Variants in SNED1 observed in about 807,000 individuals in gnomAD.
The protein encoded by SNED1 is sushi, nidogen and EGF like domains 1, also known as sushi, nidogen and EGF-like domain-containing protein 1.
SNED1 carries 81 observed loss-of-function variants against 166.7 expected under a neutral mutation model. The observed-to-expected ratio is 0.49, with a 90% CI of 0.41 to 0.58. SNED1 has a LOEUF of 0.58. Ranked by LOEUF, SNED1 falls within the 20% of genes least tolerant of loss-of-function variation. The pLI, the probability that SNED1 is intolerant of heterozygous loss-of-function variation, is 0.00. For synonymous variants in SNED1, 762 were observed against 822.0 expected, an observed-to-expected ratio of 0.93 and a Z score of 1.25; for missense variants, 1,604 against 2,000.2, an observed-to-expected ratio of 0.80 and a Z score of 3.78.
In SNED1 at chr2:241,036,303, C is replaced by T. The variant is rs865875434; in HGVS notation, c.806-487C>T. Among the ~76,000 whole-genome samples the T allele has an allele frequency of 2.6e-4, 40 of 152,106 alleles. No homozygotes were observed. In the Middle Eastern group the frequency reaches 0.024, roughly 91 times the overall value. ...CATCTGAGCTTAGGGAGTCCGGGCT[C>T]ACGGGGCGGGGAGCCCAGAGCGGCC... On this transcript the variant is annotated intron_variant, in intron 4 of 31. Transcript: ENST00000310397.
intron 11 of SNED1, 112 bp downstream of exon 11, chr2:241,049,247 G>A (rs2061755510): frequency 6.6e-6 from 5 of 760,216 alleles, no homozygotes; most frequent in East Asian, 5.4e-5. Context: ...TCTGACTCTC[G>A]GGAGAGCTGG....
At chr2:241,058,805 C>T (rs907560828) in intron 16 of SNED1, among the ~76,000 whole-genome samples, 6 of 152,114 alleles carry the variant, frequency 3.9e-5, no homozygotes, top group African/African-American at 1.4e-4. Flanking sequence ...AAAAAATTAG[C>T]TGGGCGAGGT....
In SNED1 at chr2:240,998,989, CG is replaced by C; in HGVS notation, c.156del (p.Leu53CysfsTer20). 2 of 1,326,422 alleles carry C rather than the reference CG, an allele frequency of 1.5e-6. No individual in the cohort carries two copies. The highest frequency in any genetic ancestry group is 9.7e-7 in the Non-Finnish European group (1 of 1,034,606). The allele number at this position is 1,326,422 out of a possible 1,614,324, so 82.2% of individuals were successfully genotyped here. ...ACCCCCAAGCAGGACGACGGCGGCT[CG>C]GGGCTGCGGCCGCTCTCGGTGCCCT... The part of the protein sequence containing the change: ...AVTPKQDDGG[S>X]GLRPLSVPFP... On this transcript the variant is annotated frameshift_variant, in exon 1 of 32. Coordinates refer to ENST00000310397, the MANE Select transcript of SNED1 (RefSeq NM_001080437.3). LOFTEE classifies it high-confidence loss of function.
rs1193027971 is a variant in SNED1, at chr2:241,012,292, A to G, written c.213+13242A>G. ...CTAACCCTTAGCTCTTTTTTCCAAA[A>G]CACATGCCAAAAAGGGTACAAAACA... On this transcript the variant is annotated intron_variant, in intron 1 of 31. Transcript: ENST00000310397. Among the ~76,000 whole-genome samples the G allele has an allele frequency of 2.0e-5, 3 of 152,142 alleles. No individual in the cohort carries two copies. The East Asian group carries it at 5.8e-4, about 29-fold the overall frequency.
intron 1 of SNED1, among the ~76,000 whole-genome samples, chr2:241,000,204 C>A (rs1167032105): frequency 6.6e-6 from 1 of 152,220 alleles, no homozygotes; most frequent in Non-Finnish European, 1.5e-5. Context: ...CCCTCCCCAC[C>A]TCCATCCACA....
In SNED1 at chr2:241,053,223, G is replaced by A. The variant is rs375999836; in HGVS notation, c.2154G>A (p.Ala718=). The A allele has an allele frequency of 6.6e-5, 107 of 1,609,208 alleles. No homozygotes were observed. The highest frequency in any genetic ancestry group is 1.1e-4 in the African/African-American group (8 of 74,920). Residue 718 remains alanine, a synonymous_variant, in exon 16 of 32, where the codon GCG becomes GCA. Transcript: ENST00000310397. ...TLRFNGTRLG[A]VALYACDRGY... is the part of the protein sequence containing the mutation. ...GCTTCAACGGCACGCGGCTGGGCGC[G>A]GTGGCCCTGTATGCATGTGACCGTG...
At position 240,999,064 on chromosome 2, in the gene SNED1, G is replaced by A. The variant is rs771643988; in HGVS notation, c.213+14G>A. On this transcript the variant is annotated intron_variant, in intron 1 of 31. Transcript: ENST00000310397. This position sits in a 1 kb window ranked among gnomAD's most constrained non-coding sequence, Gnocchi z 5.8. Reference sequence around the variant, plus strand: ...TCCGGACTCTACGTGAGTAACCCCCGGGCTCGCGGGGCGCCCGGGAGGGGA... The same window carrying A: ...TCCGGACTCTACGTGAGTAACCCCCAGGCTCGCGGGGCGCCCGGGAGGGGA... The A allele has an allele frequency of 4.7e-6, 6 of 1,268,560 alleles. No homozygotes were observed. In the South Asian group the frequency reaches 7.0e-5, roughly 15 times the overall value. The allele number at this position is 1,268,560 out of a possible 1,614,324, so 78.6% of individuals were successfully genotyped here.
At chr2:241,031,470 C>G (rs1451533145) in intron 2 of SNED1, among the ~76,000 whole-genome samples, 1 of 152,200 alleles carries the variant, frequency 6.6e-6, no homozygotes, top group East Asian at 1.9e-4. Flanking sequence ...GGCAAGTGTT[C>G]TAGGCACTGG....
At chr2:241,030,213 G>A (rs2124979418) in intron 1 of SNED1, 71 bp from the exon 2 acceptor site, 2 of 1,411,066 alleles carry the variant, frequency 1.4e-6, no homozygotes, top group South Asian at 1.4e-5. Context: ...GCAGGGGCTG[G>A]GGAGGCTGCT....
intron 4 of SNED1, among the ~76,000 whole-genome samples, chr2:241,036,047 TGGAGGTGCGTCACAGGGTGGGGGG>T (rs1559246860): frequency 0.013 from 71 of 5,586 alleles, 2 homozygotes; most frequent in South Asian, 0.016. Context: ...GGGTGGGGGG[TGGAGGTGCGTCACAGGGTGGGGGG>T]TGGGGGGTGG....
In SNED1 at chr2:241,087,418, A is replaced by C; in HGVS notation, c.4148A>C (p.Gln1383Pro). 6.2e-7 allele frequency: 1 copy of C among 1,603,984 alleles called. No individual in the cohort carries two copies. The highest frequency in any genetic ancestry group is 8.5e-7 in the Non-Finnish European group (1 of 1,175,182). ...HVYKRVYRVH[Q>P]DICFKESCES... is the part of the protein sequence containing the mutation. Reference sequence around the variant, plus strand: ...TATAAAAGAGTCTACCGAGTTCACCAAGACATCTGCTTCAAAGAGAGCTGT... The same window carrying C: ...TATAAAAGAGTCTACCGAGTTCACCCAGACATCTGCTTCAAAGAGAGCTGT... The change falls in exon 30 of 32, where the codon CAA (glutamine) becomes CCA (proline). Residue 1383 changes from glutamine (Q) to proline (P), a missense_variant. Gln to Pro is a moderately conservative substitution (Grantham distance 76). Coordinates refer to ENST00000310397, the MANE Select transcript of SNED1 (RefSeq NM_001080437.3).
chr2:241,062,907 AAG>A lies in SNED1; in HGVS notation c.2371+6_2371+7del. 1 of 1,583,198 alleles carries A rather than the reference AAG, an allele frequency of 6.3e-7. No homozygotes were observed. Among genetic ancestry groups the A allele is most frequent in the South Asian group, 1.1e-5 (1 of 87,956 alleles). ...TGAGGGCGCCCACTGTGAGCTGGGTAAGAGGGGCCCTGGCCCCGCTGGGGTGA... is the reference window on the plus strand; with the variant it reads ...TGAGGGCGCCCACTGTGAGCTGGGTAAGGGGCCCTGGCCCCGCTGGGGTGA... On this transcript the variant is annotated splice_donor_5th_base_variant and intron_variant, in intron 17 of 31. Coordinates refer to ENST00000310397, the MANE Select transcript of SNED1 (RefSeq NM_001080437.3).
intron 1 of SNED1, among the ~76,000 whole-genome samples, chr2:241,006,519 G>A (rs11892691): frequency 0.014 from 2,136 of 152,286 alleles, 42 homozygotes; most frequent in African/African-American, 0.048. Context: ...AATGGTATGC[G>A]CTTCTCTTGA....
chr2:241,082,916 G>C (rs2063398641), intron 29 of SNED1, among the ~76,000 whole-genome samples: 3 of 151,816 alleles, frequency 2.0e-5, no homozygotes, highest in African/African-American at 2.4e-5. Flanking sequence ...CCTGCTGTGT[G>C]CCGGGCACTG....
intron 16 of SNED1, 59 bp from the exon 17 acceptor site, chr2:241,062,732 C>A: frequency 1.8e-6 from 2 of 1,122,808 alleles, no homozygotes; most frequent in Non-Finnish European, 2.7e-6. Context: ...AGTTTATGTG[C>A]ATCTTAATTT....
intron 18 of SNED1, 55 bp downstream of exon 18, chr2:241,063,755 A>G: frequency 7.7e-7 from 1 of 1,294,276 alleles, no homozygotes. Flanking sequence ...CTGGAAGATC[A>G]GAGAGGAGGT....
At chr2:241,044,934 T>C (rs919199768) in intron 8 of SNED1, among the ~76,000 whole-genome samples, 2 of 152,198 alleles carry the variant, frequency 1.3e-5, no homozygotes, top group Non-Finnish European at 2.9e-5. Flanking sequence ...TGGAAAGTAC[T>C]GGGGAAACTG....
intron 16 of SNED1, among the ~76,000 whole-genome samples, chr2:241,060,087 T>G (rs2062184050): frequency 6.6e-6 from 1 of 152,188 alleles, no homozygotes; most frequent in Non-Finnish European, 1.5e-5. Flanking sequence ...CAGTGAACAC[T>G]TTGAAATGAA....
At chr2:241,020,022 A>G (rs1478446166) in intron 1 of SNED1, among the ~76,000 whole-genome samples, 1 of 152,240 alleles carries the variant, frequency 6.6e-6, no homozygotes, top group African/African-American at 2.4e-5. Flanking sequence ...CAGAGGATGG[A>G]TGGCCACATC....
Sources: gnomAD v4.1 joint callset for allele counts (sites outside exome capture counted in the v4.1 genomes callset) on GRCh38, gnomAD v4.1.1 for gene constraint, Gnocchi (gnomAD v3.1) non-coding constraint, MANE v1.5 for transcripts, NCBI Gene and HGNC (gene_info 2026-07-23, HGNC 2026-07-21) for gene names.